The following NPFFR2 variants were observed in gnomAD, a reference collection of about 807,000 sequenced individuals.
The protein encoded by NPFFR2 is neuropeptide FF receptor 2, also known as G-protein coupled receptor 74.
In NPFFR2, 15 loss-of-function variants were observed where a neutral mutation model predicts 13.1. The ratio of observed to expected loss-of-function variants is 1.15; its 90% CI spans 0.77 to 1.76. NPFFR2 has a LOEUF of 1.76. Ranked by LOEUF, NPFFR2 falls within the 40% of genes most tolerant of loss-of-function variation. The pLI is 0.00. For missense variants in NPFFR2, 572 were observed against 503.5 expected (o/e 1.14, Z -1.30); for synonymous variants, 190 against 175.7 (o/e 1.08, Z -0.65).
intron 1 of NPFFR2, among the ~76,000 whole-genome samples, chr4:72,126,267 T>A (rs1270454215): frequency 6.6e-6 from 1 of 152,268 alleles, no homozygotes; most frequent in Non-Finnish European, 1.5e-5. Context: ...TGTGGGTAGA[T>A]AATTTCAGAC....
In NPFFR2 at chr4:72,118,624, A is replaced by G. The variant is rs566274197; in HGVS notation, c.-7-9961A>G. Among the ~76,000 whole-genome samples, 7 of 152,302 alleles carry G rather than the reference A, an allele frequency of 4.6e-5. No individual in the cohort carries two copies. The East Asian group carries it at 1.4e-3, about 29-fold the overall frequency. On this transcript the variant is annotated intron_variant, in intron 1 of 3. Transcript: ENST00000308744. ...TACCTTTAAAAGAAGAAAATTTGAG[A>G]CAGCAAATGCTTAACAACCAAGAAA... is the stretch of plus-strand genomic sequence containing the variant.
chr4:72,047,801 T>C (rs901200394), intron 1 of NPFFR2, among the ~76,000 whole-genome samples: 1 of 152,166 alleles, frequency 6.6e-6, no homozygotes, highest in Admixed American at 6.5e-5. Context: ...TAGCCTTCTT[T>C]CCACTCATCT....
At chr4:72,078,077 A>G (rs1406652846) in intron 1 of NPFFR2, among the ~76,000 whole-genome samples, 1 of 152,090 alleles carries the variant, frequency 6.6e-6, no homozygotes, top group East Asian at 1.9e-4. Context: ...CTCATAATCT[A>G]TAATTGGTGT....
chr4:72,074,417 A>G (rs983132069), intron 1 of NPFFR2, among the ~76,000 whole-genome samples: 3 of 152,080 alleles, frequency 2.0e-5, no homozygotes, highest in Non-Finnish European at 4.4e-5. Context: ...CATTCACATA[A>G]TTTTTATTAC....
intron 1 of NPFFR2, among the ~76,000 whole-genome samples, chr4:72,088,710 C>T (rs1720835021): frequency 6.6e-6 from 1 of 151,934 alleles, no homozygotes; most frequent in Non-Finnish European, 1.5e-5. Context: ...GGGAGTGCCA[C>T]TTTTAAAACC....
chr4:72,066,332 A>G (rs1720066865), intron 1 of NPFFR2, among the ~76,000 whole-genome samples: 1 of 151,958 alleles, frequency 6.6e-6, no homozygotes, highest in Non-Finnish European at 1.5e-5. Flanking sequence ...TCTTAATACC[A>G]TCTCGTTGGT....
At chr4:72,100,209 G>T (rs1721199752) in intron 1 of NPFFR2, among the ~76,000 whole-genome samples, 1 of 152,006 alleles carries the variant, frequency 6.6e-6, no homozygotes. Flanking sequence ...GTATGATTTG[G>T]TCTCCATATT....
chr4:72,102,377 AATT>A lies in NPFFR2; in HGVS notation c.-7-26193_-7-26191del, dbSNP rs143113118. On this transcript the variant is annotated intron_variant, in intron 1 of 3. Transcript: ENST00000308744. ...AATATACAGGATGTATGAATGAGGA[AATT>A]ATTATTATTATTATACTTTAAGTTT... Among the ~76,000 whole-genome samples the A allele has an allele frequency of 5.6e-3, 854 of 151,908 alleles. 6 individuals carry two copies. The highest frequency in any genetic ancestry group is 0.015 in the African/African-American group (609 of 41,460).
At chr4:72,139,718 T>C (rs1372121119) in intron 3 of NPFFR2, among the ~76,000 whole-genome samples, 1 of 152,220 alleles carries the variant, frequency 6.6e-6, no homozygotes, top group Admixed American at 6.5e-5. Context: ...TTCTTTTGGC[T>C]TAGGATTATC....
At chr4:72,144,747 G>T (rs1371901509) in intron 3 of NPFFR2, among the ~76,000 whole-genome samples, 1 of 152,042 alleles carries the variant, frequency 6.6e-6, no homozygotes, top group East Asian at 1.9e-4. Context: ...ATCAGTGAAA[G>T]GCAGGACCAC....
chr4:72,039,847 C>T (rs10012269), intron 1 of NPFFR2, among the ~76,000 whole-genome samples: 52,812 of 151,946 alleles, frequency 0.35, 9,590 homozygotes, highest in East Asian at 0.68. Context: ...ACATTTTTAC[C>T]AGAAGACTAT....
intron 2 of NPFFR2, among the ~76,000 whole-genome samples, chr4:72,133,550 A>G (rs1299946812): frequency 1.3e-5 from 2 of 152,120 alleles, no homozygotes; most frequent in African/African-American, 2.4e-5. Flanking sequence ...AAAGAATGTC[A>G]TTGGTGATTT....
chr4:72,038,468 C>T (rs1719101389), intron 1 of NPFFR2, among the ~76,000 whole-genome samples: 1 of 152,042 alleles, frequency 6.6e-6, no homozygotes, highest in Non-Finnish European at 1.5e-5. Flanking sequence ...TTAGATTATC[C>T]TGCATCTTTT....
intron 1 of NPFFR2, among the ~76,000 whole-genome samples, chr4:72,093,431 A>G (rs1332079155): frequency 6.6e-6 from 1 of 152,172 alleles, no homozygotes; most frequent in Admixed American, 6.5e-5. Context: ...TGTTTTCCAA[A>G]TGTTTAGATT....
intron 2 of NPFFR2, among the ~76,000 whole-genome samples, chr4:72,137,394 C>A (rs1448243796): frequency 6.6e-6 from 1 of 151,966 alleles, no homozygotes; most frequent in Non-Finnish European, 1.5e-5. Context: ...TTATTATTTT[C>A]TTTTATAAAC....
chr4:72,124,586 G>A (rs527510419), intron 1 of NPFFR2, among the ~76,000 whole-genome samples: 27 of 152,050 alleles, frequency 1.8e-4, no homozygotes, highest in South Asian at 6.2e-4. Context: ...TATATAGACC[G>A]TGGAACAGAA....
At chr4:72,088,274 G>A (rs984525736) in intron 1 of NPFFR2, among the ~76,000 whole-genome samples, 45 of 152,040 alleles carry the variant, frequency 3.0e-4, no homozygotes, top group African/African-American at 9.6e-5. Flanking sequence ...ACTATGTTGC[G>A]TATTTATTTA....
intron 1 of NPFFR2, among the ~76,000 whole-genome samples, chr4:72,102,909 G>C (rs62320808): frequency 6.6e-6 from 1 of 151,750 alleles, no homozygotes; most frequent in Non-Finnish European, 1.5e-5. Flanking sequence ...GCTGGGTCAA[G>C]TGGTATTTCT....
intron 1 of NPFFR2, among the ~76,000 whole-genome samples, chr4:72,056,405 A>C (rs566527912): frequency 6.6e-6 from 1 of 152,108 alleles, no homozygotes; most frequent in South Asian, 2.1e-4. Flanking sequence ...TCAGCAAAGA[A>C]GATTCCTTTC....
Sources: allele counts gnomAD v4.1 joint callset (sites outside exome capture counted in the v4.1 genomes callset), GRCh38; gene constraint gnomAD v4.1.1; transcripts MANE v1.5; gene names NCBI Gene and HGNC (gene_info 2026-07-23, HGNC 2026-07-21).